The following DCC variants were observed in gnomAD, a reference collection of about 807,000 sequenced individuals.
DCC encodes the protein DCC netrin 1 receptor.
A neutral mutation model predicts 172.5 loss-of-function variants in DCC; 58 were observed. The observed-to-expected ratio is 0.34, with a 90% CI of 0.27 to 0.42. The LOEUF is 0.42. Ranked by LOEUF, DCC falls within the 10% of genes least tolerant of loss-of-function variation. The pLI is 1.00. For synonymous variants in DCC, 709 were observed against 644.5 expected (o/e 1.10, Z -1.52); for missense variants, 1,740 against 1,791.0 (o/e 0.97, Z 0.51).
At chr18:52,977,612 G>A (rs981863573) in intron 5 of DCC, among the ~76,000 whole-genome samples, 2 of 152,102 alleles carry the variant, frequency 1.3e-5, no homozygotes, top group Non-Finnish European at 2.9e-5. Flanking sequence ...TGGGCCGGGC[G>A]CAGTGGCTCA....
At chr18:53,038,899 TAA>T (rs113876592) in intron 5 of DCC, among the ~76,000 whole-genome samples, 4 of 145,332 alleles carry the variant, frequency 2.8e-5, no homozygotes, top group African/African-American at 1.0e-4. Flanking sequence ...AGAAATGCAT[TAA>T]AAAAAAAAAA....
At chr18:52,374,883 G>A (rs1435793992) in intron 1 of DCC, among the ~76,000 whole-genome samples, 2 of 152,126 alleles carry the variant, frequency 1.3e-5, no homozygotes, top group Non-Finnish European at 2.9e-5. Flanking sequence ...GAAGTTGAAA[G>A]GTAGAAACAA....
intron 1 of DCC, among the ~76,000 whole-genome samples, chr18:52,353,920 G>C (rs897308902): frequency 6.6e-6 from 1 of 152,166 alleles, no homozygotes; most frequent in Non-Finnish European, 1.5e-5. Flanking sequence ...TCCCTGCCTA[G>C]AGTAAAATTC....
intron 5 of DCC, among the ~76,000 whole-genome samples, chr18:53,060,257 C>G (rs139840688): frequency 6.6e-6 from 1 of 152,086 alleles, no homozygotes; most frequent in African/African-American, 2.4e-5. Flanking sequence ...TGGTCTTGAA[C>G]TCCTGGCCTC....
At position 52,540,902 on chromosome 18, in the gene DCC, G is replaced by A. The variant is rs779711663; in HGVS notation, c.91+200024G>A. Reference sequence around the variant, plus strand: ...ATTGCAGGCATGAGCCACCGCGCCCGGCCTCAACTGCCTTTTATTAGAGGG... The same window carrying A: ...ATTGCAGGCATGAGCCACCGCGCCCAGCCTCAACTGCCTTTTATTAGAGGG... On this transcript the variant is annotated intron_variant, in intron 1 of 28. Coordinates refer to ENST00000442544, the MANE Select transcript of DCC (RefSeq NM_005215.4). 1.2e-3 allele frequency among the ~76,000 whole-genome samples: 188 copies of A among 152,204 alleles called. 1 individual carries two copies. Among genetic ancestry groups the A allele is most frequent in the Middle Eastern group, 6.8e-3 (2 of 294 alleles).
chr18:52,386,813 C>T (rs914161700), intron 1 of DCC, among the ~76,000 whole-genome samples: 1 of 152,078 alleles, frequency 6.6e-6, no homozygotes, highest in Admixed American at 6.5e-5. Flanking sequence ...AGTTTGTACA[C>T]ATTACACAAC....
chr18:52,342,024 G>C (rs961643766), intron 1 of DCC, among the ~76,000 whole-genome samples: 1 of 152,148 alleles, frequency 6.6e-6, no homozygotes, highest in Non-Finnish European at 1.5e-5. Flanking sequence ...CAAGCCCCCA[G>C]CCTCCCCGGA....
chr18:52,874,068 A>G (rs1044621341), intron 2 of DCC, among the ~76,000 whole-genome samples: 2 of 152,206 alleles, frequency 1.3e-5, no homozygotes, highest in East Asian at 3.9e-4. Context: ...TTGTTAGATA[A>G]AAATCCACAT....
Position 53,476,504 on chromosome 18 carries a change from C to T in DCC, c.3736+8494C>T, listed in dbSNP as rs137969172. On this transcript the variant is annotated intron_variant, in intron 25 of 28. Coordinates refer to ENST00000442544, the MANE Select transcript of DCC (RefSeq NM_005215.4). ...AAAAATGAGAGTCTCCTTGCACAAG[C>T]CCTCTTCTCTTTTCTGCTGCCATGT... Among the ~76,000 whole-genome samples the T allele has an allele frequency of 5.3e-4, 81 of 152,272 alleles. 1 individual carries two copies. The East Asian group carries it at 0.013, about 25-fold the overall frequency.
chr18:53,471,190 G>GTA (rs1292066704), intron 25 of DCC, among the ~76,000 whole-genome samples: 2 of 151,980 alleles, frequency 1.3e-5, no homozygotes, highest in Admixed American at 6.6e-5. Context: ...TACATAGTAG[G>GTA]TATATATATT....
intron 12 of DCC, among the ~76,000 whole-genome samples, chr18:53,256,135 T>G (rs1214211152): frequency 1.3e-5 from 2 of 152,110 alleles, no homozygotes; most frequent in African/African-American, 4.8e-5. Context: ...ATGAGTAGAT[T>G]GCAAAAATTT....
At chr18:52,799,367 G>T (rs1268291822) in intron 2 of DCC, among the ~76,000 whole-genome samples, 1 of 152,140 alleles carries the variant, frequency 6.6e-6, no homozygotes, top group Non-Finnish European at 1.5e-5. Context: ...AAAGGTAAGA[G>T]AATTTTTGTT....
At position 53,450,977 on chromosome 18, in the gene DCC, CCT is replaced by C. The variant is rs1026836194; in HGVS notation, c.3392+316_3392+317del. ...CCTAGAGAATAGACTCCACCATGCC[CCT>C]GTTTCTGGCCTTCCCTGAAATCATG... On this transcript the variant is annotated intron_variant, in intron 23 of 28. Coordinates refer to ENST00000442544, the MANE Select transcript of DCC (RefSeq NM_005215.4). Among the ~76,000 whole-genome samples the C allele has an allele frequency of 5.3e-5, 8 of 152,162 alleles. No homozygotes were observed. The South Asian group carries it at 8.3e-4, about 16-fold the overall frequency.
At chr18:53,280,100 A>T (rs7239818) in intron 12 of DCC, among the ~76,000 whole-genome samples, 131,073 of 151,850 alleles carry the variant, frequency 0.86, 56,880 homozygotes, top group Admixed American at 0.91. Context: ...AAAGTTTTTT[A>T]AAAAAAATCC....
intron 2 of DCC, among the ~76,000 whole-genome samples, chr18:52,808,531 TAGAA>T (rs1219248814): frequency 6.6e-6 from 1 of 152,066 alleles, no homozygotes; most frequent in Non-Finnish European, 1.5e-5. Context: ...GGATCACTGT[TAGAA>T]AAGAAAAAAT....
chr18:52,641,533 C>T (rs1417798452), intron 1 of DCC, among the ~76,000 whole-genome samples: 1 of 151,932 alleles, frequency 6.6e-6, no homozygotes, highest in African/African-American at 2.4e-5. Flanking sequence ...AACAAACAAT[C>T]TCATCAAAAA....
intron 7 of DCC, among the ~76,000 whole-genome samples, chr18:53,086,003 TC>T (rs1568294212): frequency 7.8e-5 from 2 of 25,712 alleles, no homozygotes; most frequent in Non-Finnish European, 1.4e-4. Flanking sequence ...TTCTCCTTCT[TC>T]TCCTTCTCCT....
chr18:53,290,330 G>GATCTAT (rs1195410863), intron 12 of DCC, among the ~76,000 whole-genome samples: 1 of 152,078 alleles, frequency 6.6e-6, no homozygotes, highest in Non-Finnish European at 1.5e-5. Flanking sequence ...ATGTGAATCT[G>GATCTAT]ATCTATAATC....
intron 1 of DCC, among the ~76,000 whole-genome samples, chr18:52,664,556 C>T (rs1169763078): frequency 6.1e-5 from 9 of 147,994 alleles, no homozygotes; most frequent in Non-Finnish European, 8.9e-5. Flanking sequence ...CTGCAAACTC[C>T]GCCTCCTGGG....
Sources: gnomAD v4.1 joint callset for allele counts (sites outside exome capture counted in the v4.1 genomes callset) on GRCh38, gnomAD v4.1.1 for gene constraint, MANE v1.5 for transcripts, NCBI Gene and HGNC (gene_info 2026-07-23, HGNC 2026-07-21) for gene names.